Variants in ADAMTS8 observed in about 807,000 individuals in gnomAD.
ADAMTS8 encodes A disintegrin and metalloproteinase with thrombospondin motifs 8.
A neutral mutation model predicts 64.4 loss-of-function variants in ADAMTS8; 50 were observed. The ratio of observed to expected loss-of-function variants is 0.78; its 90% CI spans 0.62 to 0.98. The LOEUF is 0.98. Ranked by LOEUF, ADAMTS8 falls within the 50% of genes least tolerant of loss-of-function variation. The pLI, the probability that ADAMTS8 is intolerant of heterozygous loss-of-function variation, is 0.00. For missense variants in ADAMTS8, 1,192 were observed against 1,208.2 expected, an observed-to-expected ratio of 0.99 and a Z score of 0.20; for synonymous variants, 556 against 533.6, an observed-to-expected ratio of 1.04 and a Z score of -0.58.
At position 130,417,024 on chromosome 11, in the gene ADAMTS8, C is replaced by T. The variant is rs373747957; in HGVS notation, c.1012G>A (p.Gly338Arg). The part of the protein sequence containing the change: ...LCDTLGVADI[G>R]TICDPNKSCS... ...CTTTTGTTGGGGTCACAAATGGTCC[C>T]GATGTCTGCCACACCCAGGGTGTCA... The change falls in exon 3 of 9, where the codon GGG (glycine) becomes AGG (arginine). Residue 338 changes from glycine (G) to arginine (R), a missense_variant. Transcript: ENST00000257359. 1.3e-5 allele frequency: 21 copies of T among 1,613,860 alleles called. No individual in the cohort carries two copies. The highest frequency in any genetic ancestry group is 1.2e-5 in the Non-Finnish European group (14 of 1,180,006).
At position 130,416,300 on chromosome 11, in the gene ADAMTS8, G is replaced by T; in HGVS notation, c.1127C>A (p.Ser376Tyr). ...GHVLSMPHDD[S>Y]KPCTRLFGPM... ...CCCGAAGAGCCGTGTGCAGGGCTTG[G>T]AGTCGTCGTGGGGCATGCTGAGGAC... Residue 376 changes from serine to tyrosine, a missense_variant, in exon 4 of 9, where the codon TCC becomes TAC. By Grantham distance (144) the Ser-to-Tyr change is moderately radical (BLOSUM62 -2). Around this residue, in one of 5 missense-constraint regions of ADAMTS8, gnomAD observed 741 missense variants for 710.6 expected, o/e 1.04. Transcript: ENST00000257359. The surrounding 1 kb of genome is among the most constrained non-coding windows in gnomAD (Gnocchi z 4.8). 2.5e-6 allele frequency: 4 copies of T among 1,572,546 alleles called. No homozygotes were observed. In the East Asian group the frequency reaches 9.3e-5, roughly 37 times the overall value.
rs1280767869 is a variant in ADAMTS8 at position 130,414,534 on chromosome 11, G to T, written c.1563C>A (p.Pro521=). The change falls in exon 5 of 9, where the codon CCC becomes CCA. Residue 521 remains proline, a synonymous_variant. Transcript: ENST00000257359. ...ATCCTCAGGGGCTGTCCCTCACCTT[G>T]GGCCTCTCCACTTCCTCCTCAGGTA... is the stretch of plus-strand genomic sequence containing the variant. ...SCLPEEEVER[P]KPVADGGWAP... 3 of 1,596,280 alleles carry T rather than the reference G, an allele frequency of 1.9e-6. No homozygotes were observed. Among genetic ancestry groups the T allele is most frequent in the African/African-American group, 1.3e-5 (1 of 74,496 alleles).
rs1394240778 is a variant in ADAMTS8, at chr11:130,416,909, G to C, written c.1096+31C>G. ...TGGAAGAGCAGTTCCCTCCGATGTGGTGAAGTGGGCTTTGGCACAGCAAAT... is the reference window on the plus strand; with the variant it reads ...TGGAAGAGCAGTTCCCTCCGATGTGCTGAAGTGGGCTTTGGCACAGCAAAT... On this transcript the variant is annotated intron_variant, in intron 3 of 8. Coordinates refer to ENST00000257359, the MANE Select transcript of ADAMTS8 (RefSeq NM_007037.6). This position sits in a 1 kb window ranked among gnomAD's most constrained non-coding sequence, Gnocchi z 4.8. The C allele has an allele frequency of 6.2e-7, 1 of 1,613,802 alleles. No homozygotes were observed. Among genetic ancestry groups the C allele is most frequent in the African/African-American group, 1.3e-5 (1 of 74,946 alleles).
chr11:130,408,943 A>G lies in ADAMTS8; in HGVS notation c.1751-3T>C. 2 of 1,523,310 alleles carry G rather than the reference A, an allele frequency of 1.3e-6. No homozygotes were observed. The highest frequency in any genetic ancestry group is 1.8e-6 in the Non-Finnish European group (2 of 1,135,098). The allele number at this position is 1,523,310 out of a possible 1,614,324, so 94.4% of individuals were successfully genotyped here. On this transcript the variant is annotated splice_region_variant and splice_polypyrimidine_tract_variant and intron_variant, in intron 6 of 8. Coordinates refer to ENST00000257359, the MANE Select transcript of ADAMTS8 (RefSeq NM_007037.6). ...CTGCTGCTCCCTGAAGCTTTTCCCT[A>G]GAAAGAGGAAGAAACGGCATGGAGG...
chr11:130,428,109 A>C lies in ADAMTS8; in HGVS notation c.178T>G (p.Phe60Val). The C allele has an allele frequency of 6.5e-7, 1 of 1,530,424 alleles. No homozygotes were observed. Among genetic ancestry groups the C allele is most frequent in the Non-Finnish European group, 8.7e-7 (1 of 1,148,106 alleles). The allele number at this position is 1,530,424 out of a possible 1,614,324, so 94.8% of individuals were successfully genotyped here. The change falls in exon 1 of 9, where the codon TTC (phenylalanine) becomes GTC (valine). Residue 60 changes from phenylalanine (F) to valine (V), a missense_variant. Coordinates refer to ENST00000257359, the MANE Select transcript of ADAMTS8 (RefSeq NM_007037.6). The part of the protein sequence containing the change: ...AGELALHLSA[F>V]GKGFVLRLAP... ...AGGCGCAGCACGAAGCCCTTGCCGAAGGCGGACAGGTGGAGCGCGAGCTCG... is the reference window on the plus strand; with the variant it reads ...AGGCGCAGCACGAAGCCCTTGCCGACGGCGGACAGGTGGAGCGCGAGCTCG...
intron 1 of ADAMTS8, among the ~76,000 whole-genome samples, chr11:130,421,747 C>T (rs956460438): frequency 6.6e-6 from 1 of 152,208 alleles, no homozygotes; most frequent in Non-Finnish European, 1.5e-5. Context: ...GACCTCAGGG[C>T]TGTGAGCCTT....
Position 130,411,675 on chromosome 11 carries a change from A to T in ADAMTS8, c.1567-75T>A. ...CAGTATCTGTGTCACTGGGTGGCCA[A>T]TGCCCTGGCTTCCTCATCTAGTCAT... is the stretch of plus-strand genomic sequence containing the variant. On this transcript the variant is annotated intron_variant, in intron 5 of 8. Transcript: ENST00000257359. The surrounding 1 kb of genome is among the most constrained non-coding windows in gnomAD (Gnocchi z 4.2). The T allele has an allele frequency of 6.7e-7, 1 of 1,484,374 alleles. No homozygotes were observed. Among genetic ancestry groups the T allele is most frequent in the African/African-American group, 1.4e-5 (1 of 72,160 alleles). The allele number at this position is 1,484,374 out of a possible 1,614,324, so 92.0% of individuals were successfully genotyped here.
rs76703504 is a variant in ADAMTS8, at chr11:130,411,091, A to G, written c.1750+326T>C. ...GCCCCTCTGCAGAGGCTCCTCCCCA[A>G]TAAGTTTGGTTGGGAGTGATGTCCT... On this transcript the variant is annotated intron_variant, in intron 6 of 8. Transcript: ENST00000257359. This position sits in a 1 kb window ranked among gnomAD's most constrained non-coding sequence, Gnocchi z 4.2. Among the ~76,000 whole-genome samples, 11,003 of 152,138 alleles carry G rather than the reference A, an allele frequency of 0.072. 513 individuals carry two copies. The highest frequency in any genetic ancestry group is 0.12 in the African/African-American group (5,055 of 41,492).
rs781106104 is a variant in ADAMTS8 at position 130,411,880 on chromosome 11, G to C, written c.1567-280C>G. 113 of 440,956 alleles carry C rather than the reference G, an allele frequency of 2.6e-4. No individual in the cohort carries two copies. The highest frequency in any genetic ancestry group is 4.1e-4 in the Non-Finnish European group (101 of 246,792). The allele number at this position is 440,956 out of a possible 1,614,324, so 27.3% of individuals were successfully genotyped here. A position where few individuals can be genotyped will look rare whatever the true frequency, so the allele number is the denominator to read the frequency against. On this transcript the variant is annotated intron_variant, in intron 5 of 8. Transcript: ENST00000257359. This position sits in a 1 kb window ranked among gnomAD's most constrained non-coding sequence, Gnocchi z 4.2. ...TCAATAGGCTATCTGCTGAATGAAT[G>C]AATGACACCCTTTTATGGGAATAAG...
chr11:130,406,135 T>G lies in ADAMTS8; in HGVS notation c.2100-7A>C. ...AATGTCATTGTAGCCATAACTGTGA[T>G]AGAAACAGAAGGACACCCTTAGACC... On this transcript the variant is annotated splice_polypyrimidine_tract_variant and splice_region_variant and intron_variant, in intron 8 of 8. Coordinates refer to ENST00000257359, the MANE Select transcript of ADAMTS8 (RefSeq NM_007037.6). 1 of 1,601,444 alleles carries G rather than the reference T, an allele frequency of 6.2e-7. No individual in the cohort carries two copies. The highest frequency in any genetic ancestry group is 8.5e-7 in the Non-Finnish European group (1 of 1,176,514).
intron 8 of ADAMTS8, among the ~76,000 whole-genome samples, chr11:130,408,223 A>G (rs1013333897): frequency 6.6e-6 from 1 of 152,124 alleles, no homozygotes; most frequent in Admixed American, 6.5e-5. Flanking sequence ...CCTGTGTTCT[A>G]TCTTTTCTAT....
At chr11:130,414,224 A>G (rs1454461038) in intron 5 of ADAMTS8, among the ~76,000 whole-genome samples, 1 of 151,340 alleles carries the variant, frequency 6.6e-6, no homozygotes, top group Non-Finnish European at 1.5e-5. Flanking sequence ...CCTGAGATCA[A>G]GTGATCTCCC....
rs564206355 is a variant in ADAMTS8 at position 130,411,556 on chromosome 11, T to G, written c.1611A>C (p.Glu537Asp). The G allele has an allele frequency of 2.7e-5, 43 of 1,614,112 alleles. No individual in the cohort carries two copies. ...GGWAPWGPWG[E>D]CSRTCGGGVQ... ...CTCCTCCTCCACAGGTCCGAGAACA[T>G]TCTCCCCAGGGTCCCCACGGTGCCC... is the stretch of plus-strand genomic sequence containing the variant. The change falls in exon 6 of 9, where the codon GAA becomes GAC. Residue 537 changes from glutamate to aspartate, a missense_variant. Coordinates refer to ENST00000257359, the MANE Select transcript of ADAMTS8 (RefSeq NM_007037.6). This position sits in a 1 kb window ranked among gnomAD's most constrained non-coding sequence, Gnocchi z 4.2.
chr11:130,408,606 G>C lies in ADAMTS8; in HGVS notation c.1957C>G (p.Leu653Val), dbSNP rs1488905798. The C allele has an allele frequency of 6.2e-7, 1 of 1,614,080 alleles. No individual in the cohort carries two copies. The highest frequency in any genetic ancestry group is 1.3e-5 in the African/African-American group (1 of 74,938). ...IDGTLCGPET[L>V]AICVRGQCVK... ...CACTGGCCACGGACACAGATGGCCA[G>C]TGTTTCTGGCCCACACAGGGTGCCA... Residue 653 changes from leucine to valine, a missense_variant, in exon 8 of 9, where the codon CTG becomes GTG. Leu to Val is a conservative substitution (Grantham distance 32). This residue lies in a region of ADAMTS8 where 290 missense variants were observed against 297.8 expected (regional missense o/e 0.97). Coordinates refer to ENST00000257359, the MANE Select transcript of ADAMTS8 (RefSeq NM_007037.6).
At chr11:130,423,255 T>C (rs56063990) in intron 1 of ADAMTS8, among the ~76,000 whole-genome samples, 8,530 of 152,250 alleles carry the variant, frequency 0.056, 303 homozygotes, top group East Asian at 0.12. Flanking sequence ...ACTGAGACAT[T>C]TTCTTTGGGA....
chr11:130,414,496 T>A (rs370109545), intron 5 of ADAMTS8, 35 bp downstream of exon 5: 5 of 1,542,580 alleles, frequency 3.2e-6, no homozygotes, highest in Non-Finnish European at 3.5e-6. Context: ...GTTTCTCCTT[T>A]CCCCTCCCCG....
In ADAMTS8 at chr11:130,408,829, T is replaced by C. The variant is rs775696638; in HGVS notation, c.1862A>G (p.Asp621Gly). 3.4e-5 allele frequency: 55 copies of C among 1,613,796 alleles called. No individual in the cohort carries two copies. In the South Asian group the frequency reaches 5.3e-4, roughly 15 times the overall value. The change falls in exon 7 of 9, where the codon GAC becomes GGC. Residue 621 changes from aspartate (D) to glycine (G), a missense_variant. Around this residue, in one of 5 missense-constraint regions of ADAMTS8, gnomAD observed 290 missense variants for 297.8 expected, o/e 0.97. Transcript: ENST00000257359. Reference protein sequence around the residue: ...VPKYAGVSPRDRCKLFCRARG... With the variant: ...VPKYAGVSPRGRCKLFCRARG... ...GGCTCGGCAGAACAACTTGCAGCGGTCCCGGGGGGACACCCCAGCATACTT... is the reference window on the plus strand; with the variant it reads ...GGCTCGGCAGAACAACTTGCAGCGGCCCCGGGGGGACACCCCAGCATACTT...
chr11:130,410,485 A>G (rs1861938896), intron 6 of ADAMTS8, among the ~76,000 whole-genome samples: 1 of 152,070 alleles, frequency 6.6e-6, no homozygotes, highest in South Asian at 2.1e-4. Flanking sequence ...TGCCAGGCAA[A>G]CTCTCATACA....
At chr11:130,424,949 G>A (rs1255500903) in intron 1 of ADAMTS8, among the ~76,000 whole-genome samples, 1 of 152,156 alleles carries the variant, frequency 6.6e-6, no homozygotes, top group Non-Finnish European at 1.5e-5. Context: ...TCTTCCAGGT[G>A]AGACTCAGAA....
Sources: allele counts gnomAD v4.1 joint callset (sites outside exome capture counted in the v4.1 genomes callset), GRCh38; gene constraint gnomAD v4.1.1; regional missense constraint gnomAD v4.1.1; non-coding constraint Gnocchi (gnomAD v3.1); transcripts MANE v1.5; gene names NCBI Gene and HGNC (gene_info 2026-07-23, HGNC 2026-07-21).